Variants in CHD9 observed in about 807,000 individuals in gnomAD.
The protein encoded by CHD9 is ATP-dependent chromatin remodeler CHD9.
A neutral mutation model predicts 316.1 loss-of-function variants in CHD9; 77 were observed. The ratio of observed to expected loss-of-function variants is 0.24; its 90% confidence interval spans 0.20 to 0.29. The LOEUF is 0.29. Ranked by LOEUF, CHD9 falls within the 10% of genes least tolerant of loss-of-function variation. The pLI, the probability that CHD9 is intolerant of heterozygous loss-of-function variation, is 1.00. For synonymous variants in CHD9, 1,129 were observed against 1,158.3 expected (o/e 0.97, Z 0.51); for missense variants, 2,763 against 3,438.1 (o/e 0.80, Z 4.91).
rs774148510 is a variant in CHD9, at chr16:53,242,876, A to G, written c.2914A>G (p.Ile972Val). The G allele has an allele frequency of 1.1e-5, 18 of 1,613,598 alleles. 1 individual carries two copies. In the South Asian group the frequency reaches 1.9e-4, roughly 17 times the overall value. The change falls in exon 13 of 39, where the codon ATC becomes GTC. Residue 972 changes from isoleucine to valine, a missense_variant. Around this residue, in one of 15 missense-constraint regions of CHD9, gnomAD observed 155 missense variants for 291.8 expected, o/e 0.53. Coordinates refer to ENST00000447540, the MANE Select transcript of CHD9 (RefSeq NM_001308319.2). ...IIRGAYRFQAIITTFEMILGG... is the reference protein window; with the variant it reads ...IIRGAYRFQAVITTFEMILGG... Reference sequence around the variant, plus strand: ...TCGAGGAGCTTACAGATTCCAAGCCATCATCACCACTTTTGAAATGATTCT... The same window carrying G: ...TCGAGGAGCTTACAGATTCCAAGCCGTCATCACCACTTTTGAAATGATTCT...
At chr16:53,203,107 T>G (rs1304865687) in intron 2 of CHD9, among the ~76,000 whole-genome samples, 1 of 152,200 alleles carries the variant, frequency 6.6e-6, no homozygotes, top group Non-Finnish European at 1.5e-5. Context: ...ATTACTAAAA[T>G]TAACTACAAA....
chr16:53,285,558 A>G (rs755175412), intron 24 of CHD9, 38 bp from the exon 25 acceptor site: 66 of 1,369,056 alleles, frequency 4.8e-5, no homozygotes, highest in Non-Finnish European at 5.6e-5. Context: ...TGACTCATTT[A>G]TAATAATTCA....
chr16:53,127,589 G>A (rs1230357667), intron 1 of CHD9, among the ~76,000 whole-genome samples: 1 of 151,982 alleles, frequency 6.6e-6, no homozygotes, highest in African/African-American at 2.4e-5. Context: ...TGTAACCAGG[G>A]CAAGATTTTA....
chr16:53,170,151 C>G (rs2042595344), intron 2 of CHD9, among the ~76,000 whole-genome samples: 1 of 151,098 alleles, frequency 6.6e-6, no homozygotes, highest in Non-Finnish European at 1.5e-5. Context: ...ATTGGTGATG[C>G]TTGATTTTCT....
intron 3 of CHD9, among the ~76,000 whole-genome samples, chr16:53,215,001 C>T (rs541280034): frequency 1.3e-5 from 2 of 151,538 alleles, no homozygotes; most frequent in Non-Finnish European, 2.9e-5. Flanking sequence ...CAAGCTCCGC[C>T]TCCCAGGTTC....
chr16:53,102,424 A>T (rs552057254), intron 1 of CHD9, among the ~76,000 whole-genome samples: 2 of 152,284 alleles, frequency 1.3e-5, no homozygotes, highest in South Asian at 4.1e-4. Flanking sequence ...AGGAAACTAA[A>T]GTGCAGAGCT....
chr16:53,171,490 GAGAT>G (rs2042717326), intron 2 of CHD9, among the ~76,000 whole-genome samples: 1 of 152,150 alleles, frequency 6.6e-6, no homozygotes, highest in Non-Finnish European at 1.5e-5. Context: ...TGTATGAAAA[GAGAT>G]AGACATATGA....
At position 53,266,034 on chromosome 16, in the gene CHD9, T is replaced by A. The variant is rs570273548; in HGVS notation, c.4321-1260T>A. Among the ~76,000 whole-genome samples, 3 of 151,762 alleles carry A rather than the reference T, an allele frequency of 2.0e-5. No homozygotes were observed. In the South Asian group the frequency reaches 6.2e-4, roughly 32 times the overall value. ...AAGAGGAAAAGGGACAACTCTTTCT[T>A]ACGGAAGAATTCCATTTAATAAATG... is the stretch of plus-strand genomic sequence containing the variant. On this transcript the variant is annotated intron_variant, in intron 20 of 38. Transcript: ENST00000447540.
intron 1 of CHD9, among the ~76,000 whole-genome samples, chr16:53,105,208 GA>G (rs1443121242): frequency 2.0e-5 from 3 of 152,084 alleles, no homozygotes; most frequent in African/African-American, 7.2e-5. Flanking sequence ...AATTCGAAAG[GA>G]TATATAGTGA....
intron 1 of CHD9, among the ~76,000 whole-genome samples, chr16:53,153,572 A>G (rs777662720): frequency 4.3e-4 from 65 of 152,300 alleles, no homozygotes; most frequent in Non-Finnish European, 6.6e-4. Flanking sequence ...TCTGTTACCC[A>G]GGCTAGAGTG....
chr16:53,257,153 G>A (rs906150117), intron 19 of CHD9, among the ~76,000 whole-genome samples: 2 of 152,160 alleles, frequency 1.3e-5, no homozygotes, highest in Non-Finnish European at 2.9e-5. Flanking sequence ...GAAAAAGCCA[G>A]CTAAATGAGT....
intron 1 of CHD9, among the ~76,000 whole-genome samples, chr16:53,063,208 C>A (rs2033113279): frequency 6.6e-6 from 1 of 151,958 alleles, no homozygotes; most frequent in South Asian, 2.1e-4. Flanking sequence ...CTCTTTGCCC[C>A]ATGTTACTAC....
intron 24 of CHD9, among the ~76,000 whole-genome samples, chr16:53,276,743 C>G (rs2052872068): frequency 6.6e-6 from 1 of 151,946 alleles, no homozygotes; most frequent in Admixed American, 6.6e-5. Flanking sequence ...TACATGTATG[C>G]CTTAATATCA....
chr16:53,245,251 A>G lies in CHD9; in HGVS notation c.3055-85A>G. 2 of 968,678 alleles carry G rather than the reference A, an allele frequency of 2.1e-6. No homozygotes were observed. The highest frequency in any genetic ancestry group is 1.7e-5 in the African/African-American group (1 of 59,622). The allele number at this position is 968,678 out of a possible 1,614,324, so 60.0% of individuals were successfully genotyped here. On this transcript the variant is annotated intron_variant, in intron 13 of 38. Transcript: ENST00000447540. The surrounding 1 kb of genome is among the most constrained non-coding windows in gnomAD (Gnocchi z 4.1). ...TATATATAGTCAGAAAAATATTTGC[A>G]TATTGATCATTCGATAATCTAAGTC...
At chr16:53,236,952 A>G (rs1360979767) in intron 11 of CHD9, among the ~76,000 whole-genome samples, 1 of 151,758 alleles carries the variant, frequency 6.6e-6, no homozygotes, top group Non-Finnish European at 1.5e-5. Context: ...CCTAAGCCAT[A>G]TTCTATACTC....
At chr16:53,057,875 C>A (rs1179738543) in intron 1 of CHD9, among the ~76,000 whole-genome samples, 1 of 152,038 alleles carries the variant, frequency 6.6e-6, no homozygotes, top group Non-Finnish European at 1.5e-5. Flanking sequence ...GTACTTAGTG[C>A]CACATTTTTT....
intron 20 of CHD9, among the ~76,000 whole-genome samples, chr16:53,265,195 G>A (rs1319040700): frequency 1.3e-5 from 2 of 152,026 alleles, no homozygotes; most frequent in East Asian, 3.9e-4. Flanking sequence ...GAAGCTAGGA[G>A]TTTGATACCA....
intron 2 of CHD9, chr16:53,169,478 A>G (rs2042522320): frequency 6.6e-6 from 1 of 152,224 alleles, no homozygotes; most frequent in Admixed American, 6.5e-5. Context: ...TCTTTAAAAT[A>G]TCTGTATTGA....
chr16:53,314,397 C>G lies in CHD9; in HGVS notation c.7243C>G (p.Leu2415Val), dbSNP rs1460955802. 6 of 1,578,582 alleles carry G rather than the reference C, an allele frequency of 3.8e-6. No homozygotes were observed. The South Asian group carries it at 4.7e-5, about 12-fold the overall frequency. The change falls in exon 35 of 39, where the codon CTT becomes GTT. Residue 2415 changes from leucine (L) to valine (V), a missense_variant. This residue lies in a region of CHD9 where 663 missense variants were observed against 751.2 expected (regional missense o/e 0.88). Transcript: ENST00000447540. ...PVSGTSIQPT[L>V]GANGVILDNQ... The stretch of plus-strand genomic sequence containing the variant: ...ATTAGGTACTTCCATTCAACCAACC[C>G]TTGGTGCCAATGGTGTGATATTAGA...
Sources: gnomAD v4.1 joint callset for allele counts (sites outside exome capture counted in the v4.1 genomes callset) on GRCh38, gnomAD v4.1.1 for gene constraint, gnomAD v4.1.1 regional missense constraint, Gnocchi (gnomAD v3.1) non-coding constraint, MANE v1.5 for transcripts, NCBI Gene and HGNC (gene_info 2026-07-23, HGNC 2026-07-21) for gene names.